Variants in OGG1 observed in about 807,000 individuals in gnomAD.
OGG1 encodes 8-oxoguanine DNA glycosylase, also known as N-glycosylase/DNA lyase.
In OGG1, 35 loss-of-function variants were observed where a neutral mutation model predicts 42.3. That is an observed-to-expected ratio of 0.83 (90% confidence interval 0.63 to 1.10). The LOEUF is 1.10. Among genes scored for constraint, OGG1 ranks in the 50% least tolerant of loss-of-function variants. The probability of loss-of-function intolerance (pLI) is 0.00; values close to 1 mark genes in which losing one functional copy is unlikely to be tolerated. For missense variants in OGG1, 484 were observed against 446.7 expected, an observed-to-expected ratio of 1.08 and a Z score of -0.75; for synonymous variants, 189 against 179.0, an observed-to-expected ratio of 1.06 and a Z score of -0.44.
chr3:9,761,080 A>C, downstream of OGG1: 2 of 354,564 alleles, frequency 5.6e-6, no homozygotes, highest in Non-Finnish European at 1.0e-5. Flanking sequence ...CCCTTCCCTG[A>C]CCTCCCTACT....
At chr3:9,760,634 A>T, downstream of OGG1, 1 of 1,612,304 alleles carries the variant, frequency 6.2e-7, no homozygotes, top group Non-Finnish European at 8.5e-7. Context: ...GGCCCAGGGG[A>T]AAAAAGCAAA....
chr3:9,769,257 A>G (rs1234874915), downstream of OGG1, among the ~76,000 whole-genome samples: 27 of 151,426 alleles, frequency 1.8e-4, 1 homozygote, highest in Admixed American at 1.7e-3. Context: ...ACACACACAC[A>G]CACCCTCATA....
chr3:9,760,512 G>C, downstream of OGG1: 1 of 729,956 alleles, frequency 1.4e-6, no homozygotes, highest in South Asian at 1.7e-5. Flanking sequence ...AGGAAGAAGG[G>C]GTAGGGTGTC....
At chr3:9,775,717 G>A (rs1049928032) in intron 2 of OGG1, among the ~76,000 whole-genome samples, 3 of 150,862 alleles carry the variant, frequency 2.0e-5, no homozygotes. Flanking sequence ...TCTGCTCACT[G>A]TAACCTCCAC....
intron 4 of OGG1, among the ~76,000 whole-genome samples, chr3:9,755,492 TCTTG>T (rs1191204621): frequency 7.2e-6 from 1 of 139,484 alleles, no homozygotes; most frequent in Non-Finnish European, 1.5e-5. Flanking sequence ...TGAGGTGGAG[TCTTG>T]CTTTGTTGCC....
chr3:9,756,655 G>T (rs1244982026), intron 5 of OGG1, 34 bp downstream of exon 5: 1 of 1,612,450 alleles, frequency 6.2e-7, no homozygotes, highest in South Asian at 1.1e-5. Flanking sequence ...CTGGCAGTGG[G>T]CTGGGATGGT....
chr3:9,760,310 C>T (rs571107612), downstream of OGG1: 15 of 242,504 alleles, frequency 6.2e-5, no homozygotes, highest in East Asian at 1.0e-3. Flanking sequence ...TGATGATAAA[C>T]GATAGTAGCT....
At chr3:9,779,650 T>A (rs1209638950) in intron 2 of OGG1, among the ~76,000 whole-genome samples, 7 of 147,948 alleles carry the variant, frequency 4.7e-5, no homozygotes, top group African/African-American at 1.7e-4. Context: ...GAACTTAAAT[T>A]AAAAAAAAAA....
intron 7 of OGG1, among the ~76,000 whole-genome samples, chr3:9,764,354 C>G (rs987972936): frequency 6.6e-6 from 1 of 151,884 alleles, no homozygotes; most frequent in Admixed American, 6.6e-5. Context: ...GGAGTGTTGC[C>G]CAGGCTGGAG....
At chr3:9,757,529 G>A, downstream of OGG1, 2 of 1,611,232 alleles carry the variant, frequency 1.2e-6, no homozygotes, top group South Asian at 1.1e-5. The surrounding 1 kb of genome is among the most constrained non-coding windows in gnomAD (Gnocchi z 4.5). Flanking sequence ...ATGACCCGAG[G>A]TCCAGGGCCC....
At chr3:9,788,723 A>T (rs1453563402), downstream of OGG1, among the ~76,000 whole-genome samples, 2 of 151,758 alleles carry the variant, frequency 1.3e-5, no homozygotes, top group Non-Finnish European at 2.9e-5. Flanking sequence ...TATTTTTAGT[A>T]GAGACGGCGT....
chr3:9,763,421 A>T (rs1160656311), intron 7 of OGG1, among the ~76,000 whole-genome samples: 2 of 150,622 alleles, frequency 1.3e-5, no homozygotes, highest in Non-Finnish European at 3.0e-5. Context: ...AAAAAAAAAA[A>T]ACAGCGGTTT....
At chr3:9,781,396 T>C in intron 2 of OGG1, 1 of 421,814 alleles carries the variant, frequency 2.4e-6, no homozygotes, top group South Asian at 1.6e-5. Flanking sequence ...CTATTATTCA[T>C]ATGTTACCCG....
chr3:9,763,806 C>A (rs887919959), intron 7 of OGG1, among the ~76,000 whole-genome samples: 1 of 151,958 alleles, frequency 6.6e-6, no homozygotes, highest in Non-Finnish European at 1.5e-5. Flanking sequence ...GCCAACATGG[C>A]GAAAACCCAT....
intron 2 of OGG1, chr3:9,780,440 G>A (rs2078432033): frequency 1.9e-6 from 3 of 1,612,058 alleles, no homozygotes; most frequent in African/African-American, 1.3e-5. Context: ...GTGGGAGTCC[G>A]CTTCTTCTGC....
At chr3:9,763,608 G>T (rs1166348816) in intron 7 of OGG1, among the ~76,000 whole-genome samples, 1 of 152,014 alleles carries the variant, frequency 6.6e-6, no homozygotes, top group Admixed American at 6.6e-5. Flanking sequence ...CACAGACCTG[G>T]GTCCAAATCC....
At chr3:9,759,156 T>A, downstream of OGG1, 1 of 1,526,532 alleles carries the variant, frequency 6.6e-7, no homozygotes, top group Non-Finnish European at 9.1e-7. Flanking sequence ...ATTATTCCGC[T>A]ATGCCTCACT....
downstream of OGG1, among the ~76,000 whole-genome samples, chr3:9,788,665 G>C (rs748003876): frequency 6.6e-6 from 1 of 151,636 alleles, no homozygotes; most frequent in African/African-American, 2.4e-5. Flanking sequence ...TCAGCCTCCC[G>C]AGTAGCCAGG....
At chr3:9,774,421 A>C (rs1004902514) in intron 2 of OGG1, among the ~76,000 whole-genome samples, 1 of 151,294 alleles carries the variant, frequency 6.6e-6, no homozygotes, top group Non-Finnish European at 1.5e-5. Flanking sequence ...AAAAAAAAAA[A>C]AAAAAAACAA....
Sources: allele counts gnomAD v4.1 joint callset (sites outside exome capture counted in the v4.1 genomes callset), GRCh38; gene constraint gnomAD v4.1.1; non-coding constraint Gnocchi (gnomAD v3.1); transcripts MANE v1.5; gene names NCBI Gene and HGNC (gene_info 2026-07-23, HGNC 2026-07-21).